The following PPP6C variants were observed in gnomAD, a reference collection of about 807,000 sequenced individuals.
PPP6C encodes protein phosphatase 6 catalytic subunit.
A neutral mutation model predicts 39.8 loss-of-function variants in PPP6C; 11 were observed. That is an observed-to-expected ratio of 0.28 (90% CI 0.17 to 0.46). PPP6C has a LOEUF of 0.46. Among genes scored for constraint, PPP6C ranks in the 20% least tolerant of loss-of-function variants. The pLI is 1.00. For synonymous variants in PPP6C, 129 were observed against 130.3 expected (o/e 0.99, Z 0.07); for missense variants, 211 against 373.9 (o/e 0.56, Z 3.59).
intron 4 of PPP6C, among the ~76,000 whole-genome samples, chr9:125,156,934 C>T (rs762363501): frequency 4.9e-4 from 74 of 152,126 alleles, no homozygotes; most frequent in Non-Finnish European, 9.3e-4. Flanking sequence ...CTGCCTCAGT[C>T]TCCTGAGTAG....
rs1194660713 is a variant in PPP6C, at chr9:125,158,116, A to G, written c.379+125T>C. ...AGCATAAGATTTTCAATTGTTTGGG[A>G]GGAGTGAAGGAGTGAGGATGTGGGG... On this transcript the variant is annotated intron_variant, in intron 4 of 6. Transcript: ENST00000373547. 4 of 936,150 alleles carry G rather than the reference A, an allele frequency of 4.3e-6. No individual in the cohort carries two copies. The East Asian group carries it at 1.0e-4, about 24-fold the overall frequency. 58.0% of individuals were successfully genotyped at this position (936,150 alleles called of 1,614,324 possible). A position where few individuals can be genotyped will look rare whatever the true frequency, so the allele number is the denominator to read the frequency against.
chr9:125,160,176 C>T (rs1002139429), intron 3 of PPP6C, among the ~76,000 whole-genome samples: 4 of 152,072 alleles, frequency 2.6e-5, no homozygotes, highest in African/African-American at 9.7e-5. Context: ...CATAGATTAA[C>T]GAGAGATAAA....
chr9:125,187,966 A>G (rs748799091), intron 1 of PPP6C, among the ~76,000 whole-genome samples: 7 of 152,082 alleles, frequency 4.6e-5, no homozygotes, highest in Non-Finnish European at 8.8e-5. Flanking sequence ...AGTACAATTC[A>G]GTCACATTCA....
rs565180918 is a variant in PPP6C, at chr9:125,148,287, T to C, written c.*1386A>G. The C allele has an allele frequency of 1.3e-5, 2 of 152,344 alleles. No homozygotes were observed. The highest frequency in any genetic ancestry group is 2.4e-5 in the African/African-American group (1 of 41,576). 9.4% of individuals were successfully genotyped at this position (152,344 alleles called of 1,614,324 possible). ...ATTGGCTGGCTTCACAAGTATTTCC[T>C]GGAATAACAAAAATTAATCATAGTA... On this transcript the variant is annotated 3_prime_UTR_variant, in exon 7 of 7. Transcript: ENST00000373547.
intron 1 of PPP6C, among the ~76,000 whole-genome samples, chr9:125,186,552 C>A (rs971752757): frequency 5.3e-5 from 8 of 151,632 alleles, no homozygotes; most frequent in Non-Finnish European, 1.5e-5. Flanking sequence ...TCAAGACTGG[C>A]CTGGGTAACA....
intron 1 of PPP6C, among the ~76,000 whole-genome samples, chr9:125,172,416 A>C (rs1352434499): frequency 2.0e-5 from 3 of 152,112 alleles, no homozygotes; most frequent in Non-Finnish European, 4.4e-5. Flanking sequence ...CATGTTGGTC[A>C]GGCTGGTCTC....
Position 125,153,450 on chromosome 9 carries a change from A to G in PPP6C, c.669+83T>C, listed in dbSNP as rs566446020. The G allele has an allele frequency of 3.5e-5, 46 of 1,309,716 alleles. No homozygotes were observed. The East Asian group carries it at 1.1e-3, about 30-fold the overall frequency. 81.1% of individuals were successfully genotyped at this position (1,309,716 alleles called of 1,614,324 possible). A position where few individuals can be genotyped will look rare whatever the true frequency, so the allele number is the denominator to read the frequency against. On this transcript the variant is annotated intron_variant, in intron 6 of 6. Transcript: ENST00000373547. ...CATATTTTGAGTAAGCTAGACTACA[A>G]GTTTGTTATCTAGGGCCACCATAGT...
intron 1 of PPP6C, among the ~76,000 whole-genome samples, chr9:125,182,657 CAG>C (rs1419847058): frequency 6.6e-6 from 1 of 151,226 alleles, no homozygotes; most frequent in African/African-American, 2.4e-5. Context: ...CAGGCCAGAT[CAG>C]AGTTTCTCAA....
At chr9:125,186,938 C>CTTTTTTTTTTTTTTTTTTTT (rs1168730026) in intron 1 of PPP6C, among the ~76,000 whole-genome samples, 1 of 83,664 alleles carries the variant, frequency 1.2e-5, no homozygotes, top group Non-Finnish European at 2.2e-5. Context: ...ATTTTTCTTT[C>CTTTTTTTTTTTTTTTTTTTT]TTTTTTTTTT....
At chr9:125,158,839 A>AT (rs1230774673) in intron 3 of PPP6C, among the ~76,000 whole-genome samples, 4 of 150,752 alleles carry the variant, frequency 2.7e-5, no homozygotes, top group African/African-American at 7.3e-5. Flanking sequence ...TGATTTTTGT[A>AT]TTTTTTGTAG....
chr9:125,154,058 C>G (rs1256828724), intron 4 of PPP6C, 73 bp from the exon 5 acceptor site: 2 of 1,143,630 alleles, frequency 1.7e-6, no homozygotes, highest in South Asian at 1.3e-5. Flanking sequence ...AATACTAGAG[C>G]AGCCTTCAGT....
chr9:125,181,567 C>T (rs1049124001), intron 1 of PPP6C, among the ~76,000 whole-genome samples: 1 of 152,070 alleles, frequency 6.6e-6, no homozygotes, highest in Non-Finnish European at 1.5e-5. Context: ...CTCCCGCTTA[C>T]GAGTGAGAAC....
At chr9:125,183,445 T>C (rs1203997621) in intron 1 of PPP6C, among the ~76,000 whole-genome samples, 2 of 152,218 alleles carry the variant, frequency 1.3e-5, no homozygotes, top group Non-Finnish European at 2.9e-5. Flanking sequence ...ATAATTTTCT[T>C]TGAATCTACT....
In PPP6C at chr9:125,165,795, C is replaced by CTTTTTTTTT. The variant is rs781221037; in HGVS notation, c.172-4898_172-4890dup. Among the ~76,000 whole-genome samples, 280 of 113,580 alleles carry CTTTTTTTTT rather than the reference C, an allele frequency of 2.5e-3. 14 individuals are homozygous for CTTTTTTTTT. Among genetic ancestry groups the CTTTTTTTTT allele is most frequent in the African/African-American group, 6.4e-3 (185 of 28,696 alleles). The allele number at this position is 113,580 out of a possible 152,430, so 74.5% of individuals were successfully genotyped here. ...CTGAAACCATAACAGTAATCTTTTG[C>CTTTTTTTTT]TTTTTTTTTTTTTTTTTTGGAGACA... On this transcript the variant is annotated intron_variant, in intron 2 of 6. Coordinates refer to ENST00000373547, the MANE Select transcript of PPP6C (RefSeq NM_002721.5).
At chr9:125,164,313 G>A (rs970552148) in intron 2 of PPP6C, among the ~76,000 whole-genome samples, 8 of 136,988 alleles carry the variant, frequency 5.8e-5, no homozygotes, top group East Asian at 2.3e-4. Context: ...TGCTGCCTCT[G>A]GCTCCTGGGT....
rs572208072 is a variant in PPP6C at position 125,149,925 on chromosome 9, C to A, written c.670-4G>T. The A allele has an allele frequency of 6.2e-7, 1 of 1,612,004 alleles. No homozygotes were observed. Among genetic ancestry groups the A allele is most frequent in the Admixed American group, 1.7e-5 (1 of 59,900 alleles). On this transcript the variant is annotated splice_region_variant and splice_polypyrimidine_tract_variant and intron_variant, in intron 6 of 6. Coordinates refer to ENST00000373547, the MANE Select transcript of PPP6C (RefSeq NM_002721.5). ...TTAAGTTGTTGATATGAACAAACTG[C>A]AATTTAGAAAGGCACTGTAAGTACT...
Position 125,148,900 on chromosome 9 carries a change from T to C in PPP6C, c.*773A>G, listed in dbSNP as rs1835870350. 1 of 152,172 alleles carries C rather than the reference T, an allele frequency of 6.6e-6. No individual in the cohort carries two copies. The highest frequency in any genetic ancestry group is 1.5e-5 in the Non-Finnish European group (1 of 68,028). 9.4% of individuals were successfully genotyped at this position (152,172 alleles called of 1,614,324 possible). ...ATTTCAATTGAAGTTTTAAACTCAA[T>C]AACCAAAGGGTCAAGAACTCTGATT... On this transcript the variant is annotated 3_prime_UTR_variant, in exon 7 of 7. Coordinates refer to ENST00000373547, the MANE Select transcript of PPP6C (RefSeq NM_002721.5).
chr9:125,186,307 C>A (rs931566892), intron 1 of PPP6C, among the ~76,000 whole-genome samples: 8 of 151,920 alleles, frequency 5.3e-5, no homozygotes, highest in African/African-American at 1.7e-4. Context: ...AATTAAATTT[C>A]TTTAAATACA....
Position 125,160,827 on chromosome 9 carries a change from TG to T in PPP6C, c.237+13del. The T allele has an allele frequency of 1.3e-6, 2 of 1,534,422 alleles. No homozygotes were observed. The highest frequency in any genetic ancestry group is 1.2e-5 in the South Asian group (1 of 82,338). ...ATTTTAAACAAGCACTTGATATCACTGGTGTTTACATACCATAAATATGTAG... is the reference window on the plus strand; with the variant it reads ...ATTTTAAACAAGCACTTGATATCACTGTGTTTACATACCATAAATATGTAG... On this transcript the variant is annotated intron_variant, in intron 3 of 6. Transcript: ENST00000373547.
Sources: allele counts gnomAD v4.1 joint callset (sites outside exome capture counted in the v4.1 genomes callset), GRCh38; gene constraint gnomAD v4.1.1; transcripts MANE v1.5; gene names NCBI Gene and HGNC (gene_info 2026-07-23, HGNC 2026-07-21).